The following KIAA0040 variants were observed in gnomAD, a reference collection of about 807,000 sequenced individuals.
The protein encoded by KIAA0040 is KIAA0040, also known as uncharacterized protein KIAA0040.
KIAA0040 carries 10 observed loss-of-function variants against 7.2 expected under a neutral mutation model. That is an observed-to-expected ratio of 1.38 (90% CI 0.85 to 2.34). The LOEUF (loss-of-function observed/expected upper bound fraction) is 2.34, where lower values mean the gene tolerates loss of function less well. Among genes scored for constraint, KIAA0040 ranks in the 30% most tolerant of loss-of-function variants. The pLI is 0.00. For synonymous variants in KIAA0040, 49 were observed against 40.1 expected, an observed-to-expected ratio of 1.22 and a Z score of -0.84; for missense variants, 89 against 108.2, an observed-to-expected ratio of 0.82 and a Z score of 0.79.
At chr1:175,173,262 A>G (rs1677055035) in intron 2 of KIAA0040, among the ~76,000 whole-genome samples, 1 of 152,108 alleles carries the variant, frequency 6.6e-6, no homozygotes, top group Non-Finnish European at 1.5e-5. Flanking sequence ...TGATTTAGAT[A>G]CTTCAGGAGG....
chr1:175,171,179 T>C (rs1236280567), intron 2 of KIAA0040, among the ~76,000 whole-genome samples: 1 of 152,244 alleles, frequency 6.6e-6, no homozygotes. Context: ...TAATGGAGTA[T>C]GGTTATCTAA....
chr1:175,167,450 C>A (rs1176181025), intron 2 of KIAA0040, among the ~76,000 whole-genome samples: 1 of 152,172 alleles, frequency 6.6e-6, no homozygotes, highest in Non-Finnish European at 1.5e-5. Context: ...CCTGAAGGGA[C>A]AGGGTAGCTG....
chr1:175,186,787 C>A (rs1367434784), intron 1 of KIAA0040, among the ~76,000 whole-genome samples: 1 of 152,342 alleles, frequency 6.6e-6, no homozygotes, highest in South Asian at 2.1e-4. Flanking sequence ...TCTTGCAGGG[C>A]AAGATCTGAG....
At chr1:175,167,794 G>A (rs774984969) in intron 2 of KIAA0040, among the ~76,000 whole-genome samples, 18 of 152,176 alleles carry the variant, frequency 1.2e-4, no homozygotes, top group African/African-American at 4.1e-4. Context: ...CAGGCAGAGG[G>A]ACATGAGAGG....
intron 1 of KIAA0040, among the ~76,000 whole-genome samples, chr1:175,187,994 C>T (rs1231458987): frequency 6.6e-6 from 1 of 152,136 alleles, no homozygotes; most frequent in African/African-American, 2.4e-5. Flanking sequence ...TGAAAAACAT[C>T]CCATCGGGAG....
intron 2 of KIAA0040, among the ~76,000 whole-genome samples, chr1:175,174,038 C>T (rs1677085810): frequency 6.6e-6 from 1 of 152,066 alleles, no homozygotes; most frequent in Non-Finnish European, 1.5e-5. Context: ...GACCCCACAC[C>T]CCAGTCCCCA....
chr1:175,171,652 G>A (rs531089085), intron 2 of KIAA0040, among the ~76,000 whole-genome samples: 16 of 152,252 alleles, frequency 1.1e-4, no homozygotes, highest in Non-Finnish European at 2.2e-4. Flanking sequence ...CAAGAAAACC[G>A]CCTATCACTG....
At chr1:175,179,997 ACT>A (rs1677373290) in intron 1 of KIAA0040, among the ~76,000 whole-genome samples, 1 of 151,830 alleles carries the variant, frequency 6.6e-6, no homozygotes, top group African/African-American at 2.4e-5. Context: ...CATTTCTCAA[ACT>A]CTGTGAGGTA....
At chr1:175,185,042 C>G (rs906142094) in intron 1 of KIAA0040, among the ~76,000 whole-genome samples, 1 of 152,268 alleles carries the variant, frequency 6.6e-6, no homozygotes, top group South Asian at 2.1e-4. Context: ...AGGGATGTTA[C>G]AGGTTGAATA....
At chr1:175,188,058 T>C (rs1371849661) in intron 1 of KIAA0040, among the ~76,000 whole-genome samples, 1 of 152,190 alleles carries the variant, frequency 6.6e-6, no homozygotes, top group African/African-American at 2.4e-5. Flanking sequence ...AATACAATCA[T>C]CTCTTCAATT....
intron 2 of KIAA0040, among the ~76,000 whole-genome samples, chr1:175,173,855 C>T (rs1335007407): frequency 6.6e-6 from 1 of 152,228 alleles, no homozygotes; most frequent in Non-Finnish European, 1.5e-5. Flanking sequence ...CACTGGCAGT[C>T]TGGGAGCTAT....
rs1346934909 is a variant in KIAA0040, at chr1:175,160,720, A to G, written c.294T>C (p.Pro98=). The change falls in exon 4 of 4, where the codon CCT becomes CCC. Residue 98 remains proline (P), a synonymous_variant. Coordinates refer to ENST00000423313, the MANE Select transcript of KIAA0040 (RefSeq NM_014656.3). ...LLQMEKRPSL[P]V is the part of the protein sequence containing the mutation. Reference sequence around the variant, plus strand: ...ACCTCTGCTTCCTGCCTAACTAAACAGGCAGTGATGGTCTCTTCTCCATCT... The same window carrying G: ...ACCTCTGCTTCCTGCCTAACTAAACGGGCAGTGATGGTCTCTTCTCCATCT... 8 of 1,545,448 alleles carry G rather than the reference A, an allele frequency of 5.2e-6. No homozygotes were observed. The highest frequency in any genetic ancestry group is 7.0e-6 in the Non-Finnish European group (8 of 1,145,192).
intron 1 of KIAA0040, among the ~76,000 whole-genome samples, chr1:175,189,942 C>A (rs1011094311): frequency 1.3e-5 from 2 of 152,164 alleles, no homozygotes; most frequent in Non-Finnish European, 2.9e-5. Context: ...TTCTTCCATG[C>A]AGGTCACACA....
intron 1 of KIAA0040, 119 bp downstream of exon 1, chr1:175,192,521 T>G (rs1165356616): frequency 1.3e-5 from 2 of 152,148 alleles, no homozygotes; most frequent in African/African-American, 4.8e-5. Flanking sequence ...AATAATTCCT[T>G]GTATCTCTGG....
intron 3 of KIAA0040, among the ~76,000 whole-genome samples, chr1:175,164,118 C>T (rs1306492367): frequency 1.3e-5 from 2 of 151,916 alleles, no homozygotes; most frequent in East Asian, 1.9e-4. Context: ...GTAGAGGGGC[C>T]GTCATAGGGT....
In KIAA0040 at chr1:175,169,278, G is replaced by A. The variant is rs193159303; in HGVS notation, c.-309-2541C>T. 7.2e-4 allele frequency among the ~76,000 whole-genome samples: 109 copies of A among 152,284 alleles called. 1 individual carries two copies. The highest frequency in any genetic ancestry group is 2.4e-3 in the African/African-American group (101 of 41,552). Reference sequence around the variant, plus strand: ...ATAGGGCAGCTTTGGCCAAAGAGGGGTTTACCTTAGTGCTTTTGAGCAGTG... The same window carrying A: ...ATAGGGCAGCTTTGGCCAAAGAGGGATTTACCTTAGTGCTTTTGAGCAGTG... On this transcript the variant is annotated intron_variant, in intron 2 of 3. Transcript: ENST00000423313.
At chr1:175,161,562 G>T (rs1406669329) in intron 3 of KIAA0040, among the ~76,000 whole-genome samples, 1 of 152,172 alleles carries the variant, frequency 6.6e-6, no homozygotes, top group East Asian at 1.9e-4. Flanking sequence ...GGACAGGTCT[G>T]TATGTAACCT....
chr1:175,170,617 C>T (rs571092527), intron 2 of KIAA0040, among the ~76,000 whole-genome samples: 2 of 152,258 alleles, frequency 1.3e-5, no homozygotes, highest in African/African-American at 4.8e-5. Context: ...CTAAGCTTCT[C>T]TCCTGGGCTT....
chr1:175,175,081 T>A (rs1352413175), intron 2 of KIAA0040, among the ~76,000 whole-genome samples: 1 of 152,136 alleles, frequency 6.6e-6, no homozygotes, highest in Admixed American at 6.5e-5. Context: ...GTTCCACAAA[T>A]AAAGGGAAAC....
Sources: gnomAD v4.1 joint callset for allele counts (sites outside exome capture counted in the v4.1 genomes callset) on GRCh38, gnomAD v4.1.1 for gene constraint, MANE v1.5 for transcripts, NCBI Gene and HGNC (gene_info 2026-07-23, HGNC 2026-07-21) for gene names.